Variants in RNF111 observed in about 807,000 individuals in gnomAD.
RNF111 encodes E3 ubiquitin-protein ligase Arkadia.
In RNF111, 17 loss-of-function variants were observed where a neutral mutation model predicts 95.1. That is an observed-to-expected ratio of 0.18 (90% CI 0.12 to 0.27). The LOEUF (loss-of-function observed/expected upper bound fraction) is 0.27, where lower values mean the gene tolerates loss of function less well. RNF111 is among the 10% of genes least tolerant of loss of function. RNF111 has a pLI of 1.00. For synonymous variants in RNF111, 440 were observed against 414.8 expected, an observed-to-expected ratio of 1.06 and a Z score of -0.74; for missense variants, 1,189 against 1,210.4, an observed-to-expected ratio of 0.98 and a Z score of 0.26.
intron 8 of RNF111, among the ~76,000 whole-genome samples, chr15:59,081,509 G>A (rs778761147): frequency 1.3e-5 from 2 of 150,658 alleles, no homozygotes; most frequent in Non-Finnish European, 2.9e-5. Flanking sequence ...TTTAAAAAAA[G>A]AACAAAGAAC....
intron 4 of RNF111, among the ~76,000 whole-genome samples, chr15:59,057,924 G>T (rs1393346999): frequency 1.3e-5 from 2 of 152,220 alleles, no homozygotes; most frequent in Non-Finnish European, 2.9e-5. Context: ...GGTGAAATCA[G>T]TATTGCTATC....
chr15:59,004,658 G>C (rs1468734692), intron 1 of RNF111, among the ~76,000 whole-genome samples: 1 of 152,072 alleles, frequency 6.6e-6, no homozygotes, highest in African/African-American at 2.4e-5. Context: ...TGAATATACT[G>C]ATCCAAGGAA....
In RNF111 at chr15:59,031,633, A is replaced by G. The variant is rs1385388986; in HGVS notation, c.811A>G (p.Thr271Ala). 4 of 1,614,178 alleles carry G rather than the reference A, an allele frequency of 2.5e-6. No individual in the cohort carries two copies. Among genetic ancestry groups the G allele is most frequent in the Non-Finnish European group, 3.4e-6 (4 of 1,180,000 alleles). The stretch of plus-strand genomic sequence containing the variant: ...CAGTGAATCCTCTTCTAGCTCATCA[A>G]CTGAAGGAGAAGAAGATTTGTTTGT... The part of the protein sequence containing the change: ...LSSESSSSSS[T>A]EGEEDLFVSA... The change falls in exon 2 of 14, where the codon ACT becomes GCT. Residue 271 changes from threonine (T) to alanine (A), a missense_variant. Thr to Ala is a moderately conservative substitution (Grantham distance 58). Around this residue, in one of 2 missense-constraint regions of RNF111, gnomAD observed 1,024 missense variants for 925.9 expected, o/e 1.11. Transcript: ENST00000348370.
intron 5 of RNF111, among the ~76,000 whole-genome samples, chr15:59,064,535 CAAAA>C (rs35804813): frequency 9.1e-5 from 7 of 76,684 alleles, no homozygotes; most frequent in African/African-American, 1.3e-4. Flanking sequence ...GACTTTGTCG[CAAAA>C]AAAAAAAAAA....
rs1194255542 is a variant in RNF111, at chr15:59,080,114, CTT to C, written c.1949-799_1949-798del. Among the ~76,000 whole-genome samples the C allele has an allele frequency of 6.8e-4, 58 of 85,458 alleles. 1 individual carries two copies. The South Asian group carries it at 8.3e-3, about 12-fold the overall frequency. The allele number at this position is 85,458 out of a possible 152,430, so 56.1% of individuals were successfully genotyped here. Reference sequence around the variant, plus strand: ...GGTAATCAGGCCTTCTTGTGTGCTCCTTTTTTTTTTTTTTTTTTTTTTTTGAG... The same window carrying C: ...GGTAATCAGGCCTTCTTGTGTGCTCCTTTTTTTTTTTTTTTTTTTTTTGAG... On this transcript the variant is annotated intron_variant, in intron 7 of 13. Transcript: ENST00000348370.
intron 1 of RNF111, among the ~76,000 whole-genome samples, chr15:59,003,150 C>G (rs1224748573): frequency 6.6e-6 from 1 of 152,204 alleles, no homozygotes; most frequent in East Asian, 1.9e-4. Flanking sequence ...AGGTCTCACT[C>G]AGTTTCGCAG....
chr15:59,023,135 C>G (rs555699971), intron 1 of RNF111, among the ~76,000 whole-genome samples: 1 of 152,138 alleles, frequency 6.6e-6, no homozygotes, highest in South Asian at 2.1e-4. Context: ...GTAATCCCAG[C>G]TACTCGGGAG....
At chr15:59,018,377 C>T (rs117222149) in intron 1 of RNF111, among the ~76,000 whole-genome samples, 1 of 152,038 alleles carries the variant, frequency 6.6e-6, no homozygotes, top group Non-Finnish European at 1.5e-5. Flanking sequence ...AATTTTATGC[C>T]TAGCCAAGAT....
At chr15:59,015,626 A>C (rs1453453275) in intron 1 of RNF111, among the ~76,000 whole-genome samples, 1 of 145,010 alleles carries the variant, frequency 6.9e-6, no homozygotes, top group Non-Finnish European at 1.5e-5. Flanking sequence ...TCCCCTACTA[A>C]AAAAAAAAAA....
At chr15:59,087,960 G>A (rs1365616648) in intron 10 of RNF111, among the ~76,000 whole-genome samples, 4 of 152,148 alleles carry the variant, frequency 2.6e-5, no homozygotes, top group African/African-American at 7.2e-5. Context: ...CTTAGATTAC[G>A]TACGGTAAGG....
chr15:59,061,833 TTCCTC>T (rs750349322), intron 5 of RNF111, among the ~76,000 whole-genome samples: 20 of 152,294 alleles, frequency 1.3e-4, no homozygotes, highest in Non-Finnish European at 2.2e-4. Context: ...ACTAAACTCT[TTCCTC>T]TAATGGGCTT....
intron 1 of RNF111, among the ~76,000 whole-genome samples, chr15:59,027,535 T>A (rs1002152191): frequency 4.0e-5 from 6 of 149,216 alleles, no homozygotes; most frequent in Admixed American, 2.0e-4. Flanking sequence ...CTTTTTTTCT[T>A]TTTTTTTTTG....
At chr15:59,069,633 G>A (rs1224120072) in intron 6 of RNF111, among the ~76,000 whole-genome samples, 9 of 152,216 alleles carry the variant, frequency 5.9e-5, no homozygotes, top group Non-Finnish European at 1.2e-4. Flanking sequence ...AGAATCAGCA[G>A]GATCACAGGC....
chr15:59,045,144 G>A (rs541775556), intron 2 of RNF111, among the ~76,000 whole-genome samples: 4 of 150,098 alleles, frequency 2.7e-5, no homozygotes, highest in African/African-American at 7.3e-5. Flanking sequence ...AAAGGTGTTC[G>A]ATAATGTTAG....
intron 2 of RNF111, among the ~76,000 whole-genome samples, chr15:59,039,705 C>T (rs1566901138): frequency 6.6e-6 from 1 of 151,682 alleles, no homozygotes; most frequent in Non-Finnish European, 1.5e-5. Flanking sequence ...AACAGCTATT[C>T]CTTTAAGAAC....
chr15:59,076,428 A>T lies in RNF111; in HGVS notation c.1948+213A>T, dbSNP rs573307218. On this transcript the variant is annotated intron_variant, in intron 7 of 13. Coordinates refer to ENST00000348370, the MANE Select transcript of RNF111 (RefSeq NM_017610.8). ...TTAGATTTGTTCTTTAGTATAGCTGAAGAAATGTGAAAGTTGAGTAGTATT... is the reference window on the plus strand; with the variant it reads ...TTAGATTTGTTCTTTAGTATAGCTGTAGAAATGTGAAAGTTGAGTAGTATT... Among the ~76,000 whole-genome samples, 36 of 152,364 alleles carry T rather than the reference A, an allele frequency of 2.4e-4. No homozygotes were observed. In the South Asian group the frequency reaches 5.0e-3, roughly 21 times the overall value.
At chr15:59,017,150 C>G (rs1163365558) in intron 1 of RNF111, among the ~76,000 whole-genome samples, 1 of 151,968 alleles carries the variant, frequency 6.6e-6, no homozygotes, top group African/African-American at 2.4e-5. Context: ...ACCCACCCAC[C>G]CCCACCCTGG....
At chr15:59,023,452 A>G (rs1350979521) in intron 1 of RNF111, among the ~76,000 whole-genome samples, 1 of 152,066 alleles carries the variant, frequency 6.6e-6, no homozygotes, top group Non-Finnish European at 1.5e-5. Context: ...TAAGTAGTAT[A>G]TTTTTGTTAT....
intron 1 of RNF111, among the ~76,000 whole-genome samples, chr15:59,010,140 G>A (rs1249379980): frequency 2.6e-5 from 4 of 151,886 alleles, no homozygotes; most frequent in African/African-American, 4.8e-5. Context: ...ACATGTTATC[G>A]GCAAATTTTT....
Sources: allele counts gnomAD v4.1 joint callset (sites outside exome capture counted in the v4.1 genomes callset), GRCh38; gene constraint gnomAD v4.1.1; regional missense constraint gnomAD v4.1.1; transcripts MANE v1.5; gene names NCBI Gene and HGNC (gene_info 2026-07-23, HGNC 2026-07-21).